The following FAM110B variants were observed in gnomAD, a reference collection of about 807,000 sequenced individuals.
FAM110B encodes the protein protein FAM110B.
In FAM110B, 6 loss-of-function variants were observed where a neutral mutation model predicts 20.4. That is an observed-to-expected ratio of 0.29 (90% CI 0.16 to 0.58). FAM110B has a LOEUF of 0.58. FAM110B is among the 20% of genes least tolerant of loss of function. FAM110B has a pLI of 0.90. For synonymous variants in FAM110B, 226 were observed against 214.1 expected (o/e 1.06, Z -0.49); for missense variants, 434 against 498.2 (o/e 0.87, Z 1.23).
chr8:58,107,461 A>G (rs889797996), intron 3 of FAM110B, among the ~76,000 whole-genome samples: 4 of 152,228 alleles, frequency 2.6e-5, no homozygotes, highest in African/African-American at 9.6e-5. Flanking sequence ...CTTGGGCATG[A>G]GAAATACAGT....
chr8:58,116,634 T>G (rs1053237554), intron 3 of FAM110B, among the ~76,000 whole-genome samples: 26 of 152,214 alleles, frequency 1.7e-4, no homozygotes, highest in African/African-American at 6.3e-4. Flanking sequence ...TTCGTAATAC[T>G]TTTAAATCTT....
At chr8:58,084,889 G>A (rs1443812275) in intron 3 of FAM110B, among the ~76,000 whole-genome samples, 2 of 152,048 alleles carry the variant, frequency 1.3e-5, no homozygotes, top group African/African-American at 2.4e-5. Flanking sequence ...TGTCCCCACC[G>A]AGTGGCATTG....
At chr8:58,084,978 G>T (rs1806297304) in intron 3 of FAM110B, among the ~76,000 whole-genome samples, 1 of 152,096 alleles carries the variant, frequency 6.6e-6, no homozygotes. Context: ...TTTTACAGAG[G>T]GTGTTAGAGT....
rs76103049 is a variant in FAM110B, at chr8:58,116,639, A to C, written c.-324-29268A>C. 4.9e-3 allele frequency among the ~76,000 whole-genome samples: 753 copies of C among 152,260 alleles called. 5 individuals carry two copies. The highest frequency in any genetic ancestry group is 8.9e-3 in the Non-Finnish European group (607 of 68,024). On this transcript the variant is annotated intron_variant, in intron 3 of 3. Coordinates refer to ENST00000519262, the MANE Select transcript of FAM110B (RefSeq NM_001377989.1). The stretch of plus-strand genomic sequence containing the variant: ...CCAGATATATTTCGTAATACTTTTA[A>C]ATCTTCTGTAACACATCTGTGGAAT...
intron 2 of FAM110B, among the ~76,000 whole-genome samples, chr8:58,069,711 G>A (rs987715363): frequency 6.6e-6 from 1 of 152,174 alleles, no homozygotes; most frequent in Non-Finnish European, 1.5e-5. Context: ...AGATTAATTA[G>A]CACTTTATGA....
At position 58,124,134 on chromosome 8, in the gene FAM110B, A is replaced by G. The variant is rs75057086; in HGVS notation, c.-324-21773A>G. ...GTGGAAGGCTAGGTTCCCCATTAAC[A>G]TCTTACTGTTCAATAGGTTGAATTA... is the stretch of plus-strand genomic sequence containing the variant. On this transcript the variant is annotated intron_variant, in intron 3 of 3. Coordinates refer to ENST00000519262, the MANE Select transcript of FAM110B (RefSeq NM_001377989.1). Among the ~76,000 whole-genome samples, 805 of 152,332 alleles carry G rather than the reference A, an allele frequency of 5.3e-3. 4 individuals are homozygous for G. Among genetic ancestry groups the G allele is most frequent in the African/African-American group, 0.018 (756 of 41,574 alleles).
intron 1 of FAM110B, among the ~76,000 whole-genome samples, chr8:58,004,849 C>T (rs767349146): frequency 2.0e-5 from 3 of 152,178 alleles, no homozygotes; most frequent in Non-Finnish European, 4.4e-5. Context: ...TAAGGCCTTG[C>T]TCTGGATTGG....
chr8:58,140,964 G>A (rs968411383), intron 3 of FAM110B, among the ~76,000 whole-genome samples: 8 of 151,966 alleles, frequency 5.3e-5, no homozygotes, highest in Non-Finnish European at 1.2e-4. Flanking sequence ...ACACATAATT[G>A]CTCCACCAAT....
intron 2 of FAM110B, among the ~76,000 whole-genome samples, chr8:58,056,222 T>C (rs991210295): frequency 6.6e-6 from 1 of 152,240 alleles, no homozygotes; most frequent in African/African-American, 2.4e-5. Flanking sequence ...CCTAGTTTAG[T>C]ATATATAACT....
intron 3 of FAM110B, among the ~76,000 whole-genome samples, chr8:58,089,987 C>T (rs1323595099): frequency 2.0e-5 from 3 of 152,164 alleles, no homozygotes; most frequent in African/African-American, 7.2e-5. Flanking sequence ...TTGAACTGCT[C>T]AGGTCCACTT....
chr8:58,044,810 G>A (rs1348475672), intron 2 of FAM110B, among the ~76,000 whole-genome samples: 1 of 152,148 alleles, frequency 6.6e-6, no homozygotes, highest in African/African-American at 2.4e-5. Flanking sequence ...TTAAAAATCA[G>A]GCAACACTTG....
intron 2 of FAM110B, among the ~76,000 whole-genome samples, chr8:58,058,842 A>G (rs1003048269): frequency 2.0e-4 from 30 of 152,194 alleles, no homozygotes; most frequent in Admixed American, 1.6e-3. Context: ...AAATTTGTCA[A>G]TCTTAAGTGT....
intron 3 of FAM110B, among the ~76,000 whole-genome samples, chr8:58,125,924 T>A (rs1286520976): frequency 6.6e-6 from 1 of 152,170 alleles, no homozygotes; most frequent in Admixed American, 6.5e-5. Context: ...TGGCTATATG[T>A]CTTATATAAT....
At chr8:58,038,807 G>T (rs1053406805) in intron 2 of FAM110B, among the ~76,000 whole-genome samples, 5 of 152,048 alleles carry the variant, frequency 3.3e-5, no homozygotes, top group Admixed American at 1.3e-4. Context: ...TATATTAAAA[G>T]TGATGAGCTC....
At chr8:58,022,794 G>T (rs542938945) in intron 1 of FAM110B, among the ~76,000 whole-genome samples, 1 of 152,288 alleles carries the variant, frequency 6.6e-6, no homozygotes, top group South Asian at 2.1e-4. Context: ...CACCTGCTCT[G>T]GAAAGCACTT....
At chr8:58,130,349 C>T (rs148283472) in intron 3 of FAM110B, among the ~76,000 whole-genome samples, 205 of 152,334 alleles carry the variant, frequency 1.3e-3, no homozygotes, top group African/African-American at 4.7e-3. Flanking sequence ...GTCCTGGTAT[C>T]AGCCCCATGG....
At chr8:58,012,971 A>G (rs1804568826) in intron 1 of FAM110B, among the ~76,000 whole-genome samples, 1 of 152,012 alleles carries the variant, frequency 6.6e-6, no homozygotes, top group African/African-American at 2.4e-5. Context: ...TTGCCATCCC[A>G]GGCTGGTGTC....
chr8:58,112,885 C>A lies in FAM110B; in HGVS notation c.-324-33022C>A, dbSNP rs7842095. ...GGGCTGCTGTAACAAAATACCATAC[C>A]CTTGAGTAGCTTAAACTACAGACAT... is the stretch of plus-strand genomic sequence containing the variant. On this transcript the variant is annotated intron_variant, in intron 3 of 3. Coordinates refer to ENST00000519262, the MANE Select transcript of FAM110B (RefSeq NM_001377989.1). 5.1e-3 allele frequency among the ~76,000 whole-genome samples: 770 copies of A among 152,202 alleles called. 8 individuals are homozygous for A. Among genetic ancestry groups the A allele is most frequent in the African/African-American group, 0.017 (699 of 41,542 alleles).
At chr8:58,004,339 C>T (rs1804359299) in intron 1 of FAM110B, among the ~76,000 whole-genome samples, 1 of 152,206 alleles carries the variant, frequency 6.6e-6, no homozygotes, top group African/African-American at 2.4e-5. Context: ...TAGTTGTAGC[C>T]ATCTTCATCA....
Sources: allele counts gnomAD v4.1 joint callset (sites outside exome capture counted in the v4.1 genomes callset), GRCh38; gene constraint gnomAD v4.1.1; transcripts MANE v1.5; gene names NCBI Gene and HGNC (gene_info 2026-07-23, HGNC 2026-07-21).